NEK5: variants seen among roughly 807,000 people sequenced by gnomAD.
NEK5 encodes the protein NIMA related kinase 5.
In NEK5, 88 loss-of-function variants were observed where a neutral mutation model predicts 109.2. That is an observed-to-expected ratio of 0.81 (90% confidence interval 0.68 to 0.96). The LOEUF is 0.96. Among genes scored for constraint, NEK5 ranks in the 40% least tolerant of loss-of-function variants. The pLI, the probability that NEK5 is intolerant of heterozygous loss-of-function variation, is 0.00. For missense variants in NEK5, 834 were observed against 920.7 expected, an observed-to-expected ratio of 0.91 and a Z score of 1.22; for synonymous variants, 283 against 299.9, an observed-to-expected ratio of 0.94 and a Z score of 0.58.
At chr13:52,063,624 TGA>T (rs934221978) in intron 21 of NEK5, among the ~76,000 whole-genome samples, 2 of 149,306 alleles carry the variant, frequency 1.3e-5, no homozygotes, top group African/African-American at 5.0e-5. Context: ...ATCTAGGAAG[TGA>T]GGAGCATCTC....
chr13:52,072,032 A>T lies in NEK5; in HGVS notation c.1761T>A (p.Asp587Glu). The change falls in exon 20 of 24, where the codon GAT becomes GAA. Residue 587 changes from aspartate to glutamate, a missense_variant. Physicochemically the swap from Asp to Glu is conservative, Grantham distance 45. Around this residue, in one of 2 missense-constraint regions of NEK5, gnomAD observed 777 missense variants for 824.7 expected, o/e 0.94. Coordinates refer to ENST00000684899, the MANE Select transcript of NEK5 (RefSeq NM_001365552.1). ...DIPNETLTFE[D>E]GMKFKEYECV... ...ATTCATATTCCTTAAACTTCATGCC[A>T]TCCTCAAAGGTCAAAGTTTCATTTG... 1 of 1,611,154 alleles carries T rather than the reference A, an allele frequency of 6.2e-7. No homozygotes were observed. Among genetic ancestry groups the T allele is most frequent in the Non-Finnish European group, 8.5e-7 (1 of 1,177,390 alleles).
In NEK5 at chr13:52,092,010, C is replaced by A. The variant is rs768204407; in HGVS notation, c.1208+1044G>T. 2.6e-5 allele frequency among the ~76,000 whole-genome samples: 4 copies of A among 152,116 alleles called. No individual in the cohort carries two copies. In the East Asian group the frequency reaches 7.7e-4, roughly 29 times the overall value. On this transcript the variant is annotated intron_variant, in intron 13 of 23. Coordinates refer to ENST00000684899, the MANE Select transcript of NEK5 (RefSeq NM_001365552.1). ...ACCTCTTTGAGAAATGAAATATACA[C>A]AACTATTTTTTCACCTGCCATATAG...
chr13:52,042,226 C>T (rs1177027398), intron 23 of NEK5, among the ~76,000 whole-genome samples: 1 of 151,412 alleles, frequency 6.6e-6, no homozygotes, highest in Non-Finnish European at 1.5e-5. Flanking sequence ...TACTCACTGA[C>T]ATATCATAAA....
At chr13:52,063,473 G>T (rs1954632793) in intron 21 of NEK5, among the ~76,000 whole-genome samples, 1 of 152,226 alleles carries the variant, frequency 6.6e-6, no homozygotes, top group Non-Finnish European at 1.5e-5. Context: ...TGCTGAGATT[G>T]CAGCCTCTGC....
At chr13:52,077,330 T>G (rs1159607283) in intron 17 of NEK5, among the ~76,000 whole-genome samples, 1 of 152,130 alleles carries the variant, frequency 6.6e-6, no homozygotes, top group Non-Finnish European at 1.5e-5. Context: ...ATCAAACATA[T>G]AATAGATAAA....
intron 19 of NEK5, among the ~76,000 whole-genome samples, chr13:52,074,007 T>C (rs564791901): frequency 5.3e-4 from 81 of 152,082 alleles, no homozygotes; most frequent in African/African-American, 1.9e-3. Context: ...ACATGCCACA[T>C]GCATGGATTG....
chr13:52,049,017 T>TA (rs1954480718), intron 23 of NEK5, among the ~76,000 whole-genome samples: 5 of 152,220 alleles, frequency 3.3e-5, no homozygotes, highest in African/African-American at 1.2e-4. Flanking sequence ...GCATGTGACG[T>TA]AATACATATA....
intron 5 of NEK5, among the ~76,000 whole-genome samples, chr13:52,110,855 G>A (rs1389608235): frequency 1.3e-5 from 2 of 152,156 alleles, no homozygotes; most frequent in Non-Finnish European, 2.9e-5. Context: ...GTAGAAGCAA[G>A]GGAAAGAGGC....
At chr13:52,105,238 AGTGT>A (rs5803594) in intron 8 of NEK5, among the ~76,000 whole-genome samples, 54,778 of 148,102 alleles carry the variant, frequency 0.37, 10,911 homozygotes, top group East Asian at 0.53. Context: ...TTTGTGCATG[AGTGT>A]GTGTGTGTGT....
At chr13:52,084,709 A>G (rs1157590583) in intron 16 of NEK5, among the ~76,000 whole-genome samples, 1 of 93,840 alleles carries the variant, frequency 1.1e-5, no homozygotes, top group Non-Finnish European at 2.5e-5. Context: ...GGCTAATTTA[A>G]AGAGAGAGAG....
At chr13:52,118,696 C>A (rs1248142021) in intron 4 of NEK5, among the ~76,000 whole-genome samples, 3 of 152,170 alleles carry the variant, frequency 2.0e-5, no homozygotes, top group Non-Finnish European at 2.9e-5. Context: ...AGTTCTCCCC[C>A]TCTCCGTGGC....
At position 52,120,035 on chromosome 13, in the gene NEK5, G is replaced by A. The variant is rs531408847; in HGVS notation, c.118-620C>T. Reference sequence around the variant, plus strand: ...TTTTCTTCCTCACTCTTGATGCTTTGCTGACTTGTCATTTCTACCCTGACT... The same window carrying A: ...TTTTCTTCCTCACTCTTGATGCTTTACTGACTTGTCATTTCTACCCTGACT... On this transcript the variant is annotated intron_variant, in intron 3 of 23. Transcript: ENST00000684899. Among the ~76,000 whole-genome samples the A allele has an allele frequency of 3.9e-5, 6 of 152,180 alleles. No homozygotes were observed. The South Asian group carries it at 1.2e-3, about 32-fold the overall frequency.
intron 17 of NEK5, among the ~76,000 whole-genome samples, chr13:52,076,435 T>C (rs1407838071): frequency 6.6e-6 from 1 of 152,144 alleles, no homozygotes; most frequent in East Asian, 1.9e-4. Flanking sequence ...ATCTTTCCCT[T>C]AAGAGGCTTA....
At chr13:52,100,089 T>C (rs1262576310) in intron 11 of NEK5, among the ~76,000 whole-genome samples, 1 of 152,216 alleles carries the variant, frequency 6.6e-6, no homozygotes, top group African/African-American at 2.4e-5. Context: ...TCCCTTTGCA[T>C]ATTTCTAGTA....
At position 52,112,314 on chromosome 13, in the gene NEK5, A is replaced by G. The variant is rs539607295; in HGVS notation, c.266T>C (p.Met89Thr). The change falls in exon 5 of 24, where the codon ATG (methionine) becomes ACG (threonine). Residue 89 changes from methionine (M) to threonine (T), a missense_variant. Around this residue, in one of 2 missense-constraint regions of NEK5, gnomAD observed 777 missense variants for 824.7 expected, o/e 0.94. Coordinates refer to ENST00000684899, the MANE Select transcript of NEK5 (RefSeq NM_001365552.1). Reference sequence around the variant, plus strand: ...ACCCCGTTGTCTATTGATCCTTTTCATGAGATCCCCTCCATCACAATATTC... The same window carrying G: ...ACCCCGTTGTCTATTGATCCTTTTCGTGAGATCCCCTCCATCACAATATTC... ...VMEYCDGGDLMKRINRQRGVL... is the reference protein window; with the variant it reads ...VMEYCDGGDLTKRINRQRGVL... 6.2e-7 allele frequency: 1 copy of G among 1,611,842 alleles called. No individual in the cohort carries two copies. Among genetic ancestry groups the G allele is most frequent in the South Asian group, 1.1e-5 (1 of 90,948 alleles).
chr13:52,093,436 T>G (rs1955339337), intron 12 of NEK5, among the ~76,000 whole-genome samples: 1 of 152,114 alleles, frequency 6.6e-6, no homozygotes, highest in Non-Finnish European at 1.5e-5. Context: ...GGCGCACGCC[T>G]GTAATCCCAG....
At chr13:52,043,393 C>T (rs1378109162) in intron 23 of NEK5, among the ~76,000 whole-genome samples, 1 of 151,298 alleles carries the variant, frequency 6.6e-6, no homozygotes, top group Non-Finnish European at 1.5e-5. Context: ...AAAAATTAGC[C>T]AGGCATGGTG....
In NEK5 at chr13:52,074,864, T is replaced by C. The variant is rs139508689; in HGVS notation, c.1722+894A>G. Among the ~76,000 whole-genome samples the C allele has an allele frequency of 3.1e-3, 469 of 152,162 alleles. 4 individuals are homozygous for C. Among genetic ancestry groups the C allele is most frequent in the African/African-American group, 0.01 (421 of 41,530 alleles). ...AAGACATACAAGCAGCCAACAAATA[T>C]ATAAAAGAATACTCATCATCACTAA... On this transcript the variant is annotated intron_variant, in intron 19 of 23. Transcript: ENST00000684899.
chr13:52,105,407 C>T (rs1955632317), intron 8 of NEK5, among the ~76,000 whole-genome samples: 1 of 151,402 alleles, frequency 6.6e-6, no homozygotes, highest in Non-Finnish European at 1.5e-5. Context: ...TTTTCATTAA[C>T]AAGGTTTCAC....
Sources: allele counts gnomAD v4.1 joint callset (sites outside exome capture counted in the v4.1 genomes callset), GRCh38; gene constraint gnomAD v4.1.1; regional missense constraint gnomAD v4.1.1; transcripts MANE v1.5; gene names NCBI Gene and HGNC (gene_info 2026-07-23, HGNC 2026-07-21).